Variants in FLT3 observed in about 807,000 individuals in gnomAD.
FLT3 encodes the protein fms related receptor tyrosine kinase 3, also known as receptor-type tyrosine-protein kinase FLT3.
A neutral mutation model predicts 126.6 loss-of-function variants in FLT3; 46 were observed. The ratio of observed to expected loss-of-function variants is 0.36; its 90% CI spans 0.29 to 0.46. The LOEUF is 0.46. Among genes scored for constraint, FLT3 ranks in the 20% least tolerant of loss-of-function variants. The pLI, the probability that FLT3 is intolerant of heterozygous loss-of-function variation, is 1.00. For missense variants in FLT3, 1,069 were observed against 1,190.3 expected (o/e 0.90, Z 1.50); for synonymous variants, 404 against 434.4 (o/e 0.93, Z 0.87).
intron 9 of FLT3, among the ~76,000 whole-genome samples, chr13:28,045,228 AG>A (rs1874746112): frequency 6.6e-6 from 1 of 152,196 alleles, no homozygotes; most frequent in Non-Finnish European, 1.5e-5. Flanking sequence ...AAATCTCAAA[AG>A]GTTATACCAG....
rs57536690 is a variant in FLT3 at position 28,093,123 on chromosome 13, G to T, written c.43+7345C>A. ...TATTTTTTTATAGAAATGGGGTTTT[G>T]CCATGTTGCCCAGGCTGGCCTCAAA... On this transcript the variant is annotated intron_variant, in intron 1 of 23. Transcript: ENST00000241453. Among the ~76,000 whole-genome samples, 1,426 of 151,456 alleles carry T rather than the reference G, an allele frequency of 9.4e-3. 21 individuals are homozygous for T. The highest frequency in any genetic ancestry group is 0.033 in the African/African-American group (1,352 of 41,310).
chr13:28,064,235 A>G (rs1439501003), intron 2 of FLT3, among the ~76,000 whole-genome samples: 1 of 152,230 alleles, frequency 6.6e-6, no homozygotes, highest in East Asian at 1.9e-4. Context: ...CACAGTAGAC[A>G]ACTGGGAAAA....
intron 6 of FLT3, 141 bp downstream of exon 6, chr13:28,049,954 C>A: frequency 2.6e-6 from 3 of 1,147,068 alleles, no homozygotes; most frequent in South Asian, 1.6e-5. Flanking sequence ...TTTACAGAAT[C>A]CATAATATTG....
rs369844336 is a variant in FLT3, at chr13:28,052,605, A to G, written c.554T>C (p.Ile185Thr). 1 of 1,613,624 alleles carries G rather than the reference A, an allele frequency of 6.2e-7. No individual in the cohort carries two copies. Among genetic ancestry groups the G allele is most frequent in the African/African-American group, 1.3e-5 (1 of 74,920 alleles). ...KMENQDALVC[I>T]SESVPEPIVE... ...GATCGGCTCTGGAACGCTCTCAGAT[A>G]TGCAGACCAGGGCGTCCTGGTTTTC... The change falls in exon 5 of 24, where the codon ATA (isoleucine) becomes ACA (threonine). Residue 185 changes from isoleucine to threonine, a missense_variant. Physicochemically the swap from Ile to Thr is moderately conservative, Grantham distance 89. Coordinates refer to ENST00000241453, the MANE Select transcript of FLT3 (RefSeq NM_004119.3).
At chr13:28,076,668 C>T (rs1877945128) in intron 1 of FLT3, among the ~76,000 whole-genome samples, 1 of 152,170 alleles carries the variant, frequency 6.6e-6, no homozygotes, top group Admixed American at 6.6e-5. Flanking sequence ...TGAGTGAGGA[C>T]TGTAATCTCA....
intron 15 of FLT3, 46 bp from the exon 16 acceptor site, chr13:28,028,334 C>T (rs375646569): frequency 6.3e-4 from 618 of 978,624 alleles, no homozygotes; most frequent in Non-Finnish European, 8.5e-4. Context: ...AAGTAAAATA[C>T]GAATTTTATG....
intron 23 of FLT3, among the ~76,000 whole-genome samples, chr13:28,007,471 C>T (rs1794230016): frequency 6.6e-6 from 1 of 151,806 alleles, no homozygotes; most frequent in African/African-American, 2.4e-5. Context: ...GGTCTCAAAC[C>T]TCTGAGCCCA....
chr13:28,076,346 T>C (rs997208636), intron 1 of FLT3, among the ~76,000 whole-genome samples: 3 of 152,162 alleles, frequency 2.0e-5, no homozygotes, highest in African/African-American at 7.2e-5. Context: ...TATATTTGTA[T>C]ATGAAAGGGA....
At position 28,059,660 on chromosome 13, in the gene FLT3, T is replaced by A. The variant is rs192639711; in HGVS notation, c.369-2198A>T. On this transcript the variant is annotated intron_variant, in intron 3 of 23. Transcript: ENST00000241453. Reference sequence around the variant, plus strand: ...AAGAATAAATTTCCTTTAAAAAAATTTTTTTTTAAAGAATTTCTTGGCTGG... The same window carrying A: ...AAGAATAAATTTCCTTTAAAAAAATATTTTTTTAAAGAATTTCTTGGCTGG... 3.2e-4 allele frequency among the ~76,000 whole-genome samples: 49 copies of A among 152,196 alleles called. 1 individual carries two copies. The South Asian group carries it at 6.6e-3, about 21-fold the overall frequency.
intron 23 of FLT3, among the ~76,000 whole-genome samples, chr13:28,013,155 T>C (rs975362242): frequency 6.6e-6 from 1 of 152,290 alleles, no homozygotes; most frequent in South Asian, 2.1e-4. Flanking sequence ...CTAGTTTCCA[T>C]GTCATTTTCA....
At chr13:28,071,026 G>A (rs11840651) in intron 1 of FLT3, among the ~76,000 whole-genome samples, 23,041 of 119,768 alleles carry the variant, frequency 0.19, 2,056 homozygotes, top group Middle Eastern at 0.38. Flanking sequence ...ATGGAGTCTC[G>A]CTCTGTCGCC....
intron 3 of FLT3, among the ~76,000 whole-genome samples, chr13:28,060,477 A>AAG (rs1876447692): frequency 6.6e-6 from 1 of 150,992 alleles, no homozygotes; most frequent in South Asian, 2.1e-4. Flanking sequence ...AAAAAAAAAA[A>AAG]AAAGAAAAAG....
intron 2 of FLT3, among the ~76,000 whole-genome samples, chr13:28,066,788 C>T (rs1221338327): frequency 1.3e-5 from 2 of 152,100 alleles, no homozygotes; most frequent in East Asian, 1.9e-4. Flanking sequence ...CCATAATAAT[C>T]GTAGGCAAGA....
intron 23 of FLT3, 115 bp downstream of exon 23, chr13:28,014,337 A>G: frequency 1.4e-6 from 1 of 726,440 alleles, no homozygotes; most frequent in Non-Finnish European, 2.4e-6. Flanking sequence ...GCAACCCAGA[A>G]AAACTGCAAT....
intron 1 of FLT3, among the ~76,000 whole-genome samples, chr13:28,074,092 T>C (rs1440690387): frequency 1.3e-5 from 2 of 152,222 alleles, no homozygotes; most frequent in Admixed American, 1.3e-4. Flanking sequence ...ACCTCTGATC[T>C]ATTTTCTGTA....
chr13:28,024,768 CT>C, intron 18 of FLT3, 92 bp downstream of exon 18: 1 of 888,840 alleles, frequency 1.1e-6, no homozygotes, highest in Non-Finnish European at 1.8e-6. Flanking sequence ...TTTTAAAATG[CT>C]TTTGTGTTTA....
At chr13:28,072,929 CG>C (rs1191225743) in intron 1 of FLT3, among the ~76,000 whole-genome samples, 1 of 151,608 alleles carries the variant, frequency 6.6e-6, no homozygotes, top group African/African-American at 2.4e-5. Context: ...AGCGTAAACC[CG>C]GGAGGCGGAG....
chr13:28,041,700 C>T (rs780298300), intron 9 of FLT3, among the ~76,000 whole-genome samples: 19 of 152,272 alleles, frequency 1.2e-4, no homozygotes, highest in Middle Eastern at 6.8e-3. Context: ...TCCAAGGGGA[C>T]TAACTAATTA....
At chr13:28,017,659 G>T (rs1423490920) in intron 20 of FLT3, among the ~76,000 whole-genome samples, 36 of 135,472 alleles carry the variant, frequency 2.7e-4, no homozygotes, top group Middle Eastern at 4.2e-3. Context: ...TGTTTTTTTT[G>T]TTGTTGTTTT....
Sources: gnomAD v4.1 joint callset for allele counts (sites outside exome capture counted in the v4.1 genomes callset) on GRCh38, gnomAD v4.1.1 for gene constraint, MANE v1.5 for transcripts, NCBI Gene and HGNC (gene_info 2026-07-23, HGNC 2026-07-21) for gene names.